Variants in SPATA16 observed in about 807,000 individuals in gnomAD.
SPATA16 encodes spermatogenesis associated 16, also known as spermatogenesis-associated protein 16.
In SPATA16, 36 loss-of-function variants were observed where a neutral mutation model predicts 63.3. That is an observed-to-expected ratio of 0.57 (90% confidence interval 0.44 to 0.75). SPATA16 has a LOEUF of 0.75. Ranked by LOEUF, SPATA16 falls within the 30% of genes least tolerant of loss-of-function variation. SPATA16 has a pLI of 0.00. For synonymous variants in SPATA16, 203 were observed against 216.7 expected, an observed-to-expected ratio of 0.94 and a Z score of 0.56; for missense variants, 646 against 679.3, an observed-to-expected ratio of 0.95 and a Z score of 0.54.
At chr3:173,088,022 C>A (rs1165889285) in intron 2 of SPATA16, among the ~76,000 whole-genome samples, 3 of 108,958 alleles carry the variant, frequency 2.8e-5, no homozygotes, top group Non-Finnish European at 5.8e-5. Flanking sequence ...TTCTTTCTTT[C>A]TTTCTTTCTT....
At chr3:173,092,805 A>G (rs1446823624) in intron 2 of SPATA16, among the ~76,000 whole-genome samples, 1 of 152,094 alleles carries the variant, frequency 6.6e-6, no homozygotes, top group Non-Finnish European at 1.5e-5. Flanking sequence ...TACAGAGGAG[A>G]CAGTTAAACA....
chr3:173,017,746 T>C (rs1735225864), intron 4 of SPATA16, among the ~76,000 whole-genome samples: 2 of 152,230 alleles, frequency 1.3e-5, no homozygotes, highest in Non-Finnish European at 2.9e-5. Context: ...CTTCTATTGA[T>C]CTTTCAATTG....
At chr3:173,087,513 C>T (rs1242242256) in intron 2 of SPATA16, among the ~76,000 whole-genome samples, 12 of 152,102 alleles carry the variant, frequency 7.9e-5, no homozygotes, top group Admixed American at 7.9e-4. Flanking sequence ...GCACATTTAG[C>T]CCATTTACAT....
At chr3:172,997,053 C>T (rs1734708819) in intron 4 of SPATA16, among the ~76,000 whole-genome samples, 1 of 152,108 alleles carries the variant, frequency 6.6e-6, no homozygotes, top group Non-Finnish European at 1.5e-5. Flanking sequence ...ATCTTGGTTG[C>T]ACTTATGTGT....
In SPATA16 at chr3:173,113,275, G is replaced by A. The variant is rs576632981; in HGVS notation, c.612+3845C>T. Among the ~76,000 whole-genome samples, 170 of 152,232 alleles carry A rather than the reference G, an allele frequency of 1.1e-3. 1 individual carries two copies. Among genetic ancestry groups the A allele is most frequent in the African/African-American group, 3.9e-3 (163 of 41,538 alleles). On this transcript the variant is annotated intron_variant, in intron 2 of 10. Transcript: ENST00000351008. Reference sequence around the variant, plus strand: ...TGACAATATAAAATAATATGAATTTGTGTTTTTATCTTCAGCTTACACCTT... The same window carrying A: ...TGACAATATAAAATAATATGAATTTATGTTTTTATCTTCAGCTTACACCTT...
intron 1 of SPATA16, among the ~76,000 whole-genome samples, chr3:173,129,942 C>T (rs1738327397): frequency 6.6e-6 from 1 of 152,140 alleles, no homozygotes; most frequent in South Asian, 2.1e-4. Context: ...GAACCTGAGG[C>T]ATGAAGATGA....
chr3:173,086,899 CTT>C (rs1276365801), intron 2 of SPATA16, among the ~76,000 whole-genome samples: 1 of 151,576 alleles, frequency 6.6e-6, no homozygotes, highest in African/African-American at 2.4e-5. Context: ...GTCTAAGAGA[CTT>C]ATGATTTCAG....
At chr3:173,056,454 G>A (rs1303584079) in intron 2 of SPATA16, among the ~76,000 whole-genome samples, 1 of 152,118 alleles carries the variant, frequency 6.6e-6, no homozygotes, top group Admixed American at 6.6e-5. Context: ...TGTAATCCCA[G>A]CACTTTGGGA....
intron 1 of SPATA16, among the ~76,000 whole-genome samples, chr3:173,119,159 G>T (rs1353956118): frequency 6.6e-6 from 1 of 152,134 alleles, no homozygotes; most frequent in African/African-American, 2.4e-5. Flanking sequence ...CTGTCGAGGG[G>T]GTGTGGGGAA....
At chr3:173,046,071 T>C (rs1735949670) in intron 3 of SPATA16, among the ~76,000 whole-genome samples, 1 of 152,040 alleles carries the variant, frequency 6.6e-6, no homozygotes, top group African/African-American at 2.4e-5. Flanking sequence ...TCTTTGCAAG[T>C]ATATACATCA....
At chr3:172,919,407 A>G (rs528082389) in intron 8 of SPATA16, among the ~76,000 whole-genome samples, 6 of 152,234 alleles carry the variant, frequency 3.9e-5, no homozygotes, top group Non-Finnish European at 8.8e-5. Context: ...ATTGTAGATT[A>G]TAACTCTTAA....
At position 173,039,622 on chromosome 3, in the gene SPATA16, G is replaced by A. The variant is rs182655366; in HGVS notation, c.758+9327C>T. ...GAACAATAAATGCCAAGTGGCCACC[G>A]ACCTCAGGGATAAGATGAGGTTAAA... is the stretch of plus-strand genomic sequence containing the variant. On this transcript the variant is annotated intron_variant, in intron 3 of 10. Transcript: ENST00000351008. Among the ~76,000 whole-genome samples the A allele has an allele frequency of 8.5e-5, 13 of 152,110 alleles. No individual in the cohort carries two copies. The East Asian group carries it at 1.9e-3, about 23-fold the overall frequency.
chr3:173,110,098 A>AT (rs1180230991), intron 2 of SPATA16, among the ~76,000 whole-genome samples: 1 of 152,152 alleles, frequency 6.6e-6, no homozygotes, highest in African/African-American at 2.4e-5. Context: ...CATTTTCCAA[A>AT]TTTTTTAAAA....
intron 2 of SPATA16, among the ~76,000 whole-genome samples, chr3:173,051,032 A>G (rs1311490766): frequency 3.9e-5 from 6 of 152,218 alleles, no homozygotes; most frequent in Admixed American, 2.0e-4. Flanking sequence ...TCTTCTGCCA[A>G]TCTGATCCCA....
chr3:172,986,710 G>C (rs1014144553), intron 4 of SPATA16, among the ~76,000 whole-genome samples: 2 of 152,170 alleles, frequency 1.3e-5, no homozygotes, highest in African/African-American at 4.8e-5. Context: ...GAAGAAGCCT[G>C]GATTTCATCC....
At chr3:172,932,910 C>G (rs577455119) in intron 6 of SPATA16, among the ~76,000 whole-genome samples, 1 of 152,130 alleles carries the variant, frequency 6.6e-6, no homozygotes, top group South Asian at 2.1e-4. Context: ...TGGTCTACTT[C>G]TCCAAGATCA....
At chr3:173,077,369 G>C (rs1332917226) in intron 2 of SPATA16, among the ~76,000 whole-genome samples, 1 of 152,154 alleles carries the variant, frequency 6.6e-6, no homozygotes, top group Non-Finnish European at 1.5e-5. Context: ...TAGGAGAAAA[G>C]AGGTATAAAA....
chr3:172,995,530 C>A (rs1395324832), intron 4 of SPATA16, among the ~76,000 whole-genome samples: 2 of 151,728 alleles, frequency 1.3e-5, no homozygotes, highest in Non-Finnish European at 2.9e-5. Context: ...GGAGATATAA[C>A]GTATAGAAAA....
chr3:173,020,203 A>G (rs1461632811), intron 3 of SPATA16, among the ~76,000 whole-genome samples: 1 of 151,900 alleles, frequency 6.6e-6, no homozygotes, highest in Non-Finnish European at 1.5e-5. Flanking sequence ...AGGCTGAAGC[A>G]GGAGAATTGC....
Sources: gnomAD v4.1 joint callset for allele counts (sites outside exome capture counted in the v4.1 genomes callset) on GRCh38, gnomAD v4.1.1 for gene constraint, MANE v1.5 for transcripts, NCBI Gene and HGNC (gene_info 2026-07-23, HGNC 2026-07-21) for gene names.